The following ZNF469 variants were observed in gnomAD, a reference collection of about 807,000 sequenced individuals.
ZNF469 encodes the protein zinc finger protein 469.
Under a neutral mutation model 1.0 loss-of-function variants are expected in ZNF469, and 1 was observed. The ratio of observed to expected loss-of-function variants is 1.00; its 90% CI spans 0.35 to 4.73. The LOEUF is 4.73. ZNF469 is among the 30% of genes most tolerant of loss of function. The pLI is 0.16. For synonymous variants in ZNF469, 2,703 were observed against 2,363.4 expected, an observed-to-expected ratio of 1.14 and a Z score of -4.17; for missense variants, 6,100 against 5,356.3, an observed-to-expected ratio of 1.14 and a Z score of -4.33.
At chr16:88,336,875 C>T in the ZNF469 span, among the ~76,000 whole-genome samples, 1 of 152,198 alleles carries the variant, frequency 6.6e-6, no homozygotes, top group Non-Finnish European at 1.5e-5. Context: ...TGCCGTTCCC[C>T]CAGCCCCTGG....
At chr16:88,403,425 G>C (rs1226353781) in intron 1 of ZNF469, among the ~76,000 whole-genome samples, 1 of 152,226 alleles carries the variant, frequency 6.6e-6, no homozygotes, top group Admixed American at 6.5e-5. Context: ...TGGTGGGATT[G>C]GGCAGGTCAC....
chr16:88,260,743 C>G, the ZNF469 span, among the ~76,000 whole-genome samples: 1 of 152,170 alleles, frequency 6.6e-6, no homozygotes, highest in East Asian at 1.9e-4. This position sits in a 1 kb window ranked among gnomAD's most constrained non-coding sequence, Gnocchi z 4.1. Flanking sequence ...ATCCCTGGGA[C>G]CTGTGAATGC....
At chr16:88,276,832 G>T in the ZNF469 span, among the ~76,000 whole-genome samples, 1 of 152,160 alleles carries the variant, frequency 6.6e-6, no homozygotes, top group Non-Finnish European at 1.5e-5. Flanking sequence ...CCGACACTTG[G>T]TCAGTACTGT....
At chr16:88,127,347 C>T in the ZNF469 span, among the ~76,000 whole-genome samples, 80 of 152,300 alleles carry the variant, frequency 5.3e-4, no homozygotes, top group African/African-American at 1.2e-3. Flanking sequence ...AATTCAGCAA[C>T]GAATCCCTGG....
Position 88,431,432 on chromosome 16 carries a change from C to T in ZNF469, c.3962C>T (p.Ala1321Val), listed in dbSNP as rs1906176229. Residue 1321 changes from alanine (A) to valine (V), a missense_variant, in exon 3 of 3, where the codon GCC becomes GTC. Transcript: ENST00000565624. ...TCCCACAACAGCAAGGACCCCCCTG[C>T]CCGCCAGCCTGGAGAATTTCTGGCA... is the stretch of plus-strand genomic sequence containing the variant. Reference protein sequence around the residue: ...PVSHNSKDPPARQPGEFLAPV... With the variant: ...PVSHNSKDPPVRQPGEFLAPV... 2 of 1,550,368 alleles carry T rather than the reference C, an allele frequency of 1.3e-6. No homozygotes were observed. Among genetic ancestry groups the T allele is most frequent in the Admixed American group, 3.9e-5 (2 of 51,016 alleles).
the ZNF469 span, among the ~76,000 whole-genome samples, chr16:88,233,092 G>A: frequency 1.1e-4 from 16 of 152,186 alleles, no homozygotes; most frequent in Non-Finnish European, 1.8e-4. Context: ...AGCCGTTCAA[G>A]GACGAGGCTT....
At chr16:88,173,242 A>G in the ZNF469 span, among the ~76,000 whole-genome samples, 2 of 152,204 alleles carry the variant, frequency 1.3e-5, no homozygotes, top group Admixed American at 6.5e-5. Context: ...CATATTATGT[A>G]TAGAGGAAGA....
At chr16:88,230,595 A>T in the ZNF469 span, among the ~76,000 whole-genome samples, 313 of 86,654 alleles carry the variant, frequency 3.6e-3, 6 homozygotes, top group African/African-American at 9.5e-3. Context: ...CTGGGCTCTG[A>T]GCCTCCGGGG....
At chr16:88,368,997 C>T in the ZNF469 span, among the ~76,000 whole-genome samples, 4 of 151,918 alleles carry the variant, frequency 2.6e-5, no homozygotes, top group South Asian at 2.1e-4. Flanking sequence ...GAAAATTGCT[C>T]GAACCCAGGA....
chr16:88,380,223 T>TCACA (rs1244074207), upstream of ZNF469, among the ~76,000 whole-genome samples: 3 of 64,880 alleles, frequency 4.6e-5, no homozygotes, highest in South Asian at 5.1e-4. Context: ...ACAAATGCAC[T>TCACA]CACAGACATG....
chr16:88,274,849 A>G, the ZNF469 span, among the ~76,000 whole-genome samples: 9 of 152,358 alleles, frequency 5.9e-5, no homozygotes, highest in South Asian at 1.9e-3. Flanking sequence ...TGGACCTGAC[A>G]TGGTTCGCAG....
rs770376107 is a variant in ZNF469, at chr16:88,431,426, C to G, written c.3956C>G (p.Pro1319Arg). The G allele has an allele frequency of 6.5e-7, 1 of 1,550,230 alleles. No individual in the cohort carries two copies. The highest frequency in any genetic ancestry group is 2.4e-5 in the East Asian group (1 of 40,928). The change falls in exon 3 of 3, where the codon CCC (proline) becomes CGC (arginine). Residue 1319 changes from proline to arginine, a missense_variant. By Grantham distance (103) the Pro-to-Arg change is moderately radical. Transcript: ENST00000565624. Reference protein sequence around the residue: ...QAPVSHNSKDPPARQPGEFLA... With the variant: ...QAPVSHNSKDRPARQPGEFLA... ...CCAGTCTCCCACAACAGCAAGGACC[C>G]CCCTGCCCGCCAGCCTGGAGAATTT... is the stretch of plus-strand genomic sequence containing the variant.
chr16:88,434,770 C>G lies in ZNF469; in HGVS notation c.7300C>G (p.Pro2434Ala), dbSNP rs1326987889. The change falls in exon 3 of 3, where the codon CCC (proline) becomes GCC (alanine). Residue 2434 changes from proline to alanine, a missense_variant. Pro to Ala is a conservative substitution (Grantham distance 27). Transcript: ENST00000565624. ...CCACAGAAATGCCTCCCACCAGACT[C>G]CCCAGGGGGACCCCCTCGGCCCCCA... ...QSHRNASHQTPQGDPLGPQDL... is the reference protein window; with the variant it reads ...QSHRNASHQTAQGDPLGPQDL... The G allele has an allele frequency of 3.9e-6, 6 of 1,550,372 alleles. No homozygotes were observed. The Admixed American group carries it at 1.2e-4, about 30-fold the overall frequency.
upstream of ZNF469, among the ~76,000 whole-genome samples, chr16:88,381,700 C>G (rs1400984769): frequency 1.3e-5 from 2 of 152,276 alleles, no homozygotes; most frequent in East Asian, 3.8e-4. Context: ...CCTCTGGGGC[C>G]TTTCAGCCCC....
chr16:88,155,490 GGC>G, the ZNF469 span, among the ~76,000 whole-genome samples: 1 of 152,188 alleles, frequency 6.6e-6, no homozygotes, highest in African/African-American at 2.4e-5. Context: ...CCCAGCCTCT[GGC>G]AACCAGTCCT....
chr16:88,176,566 C>G, the ZNF469 span, among the ~76,000 whole-genome samples: 2 of 152,250 alleles, frequency 1.3e-5, no homozygotes, highest in African/African-American at 4.8e-5. Flanking sequence ...ACACACCACC[C>G]TCTCTCCCAT....
the ZNF469 span, among the ~76,000 whole-genome samples, chr16:88,269,582 T>A: frequency 6.6e-6 from 1 of 152,176 alleles, no homozygotes; most frequent in Non-Finnish European, 1.5e-5. Context: ...GGGCCCCGCC[T>A]CCACCTGGGC....
rs545662898 is a variant in ZNF469, at chr16:88,432,044, G to A, written c.4574G>A (p.Ser1525Asn). The A allele has an allele frequency of 1.5e-5, 23 of 1,550,420 alleles. No individual in the cohort carries two copies. Among genetic ancestry groups the A allele is most frequent in the African/African-American group, 6.8e-5 (5 of 73,038 alleles). The change falls in exon 3 of 3, where the codon AGT (serine) becomes AAT (asparagine). Residue 1525 changes from serine to asparagine, a missense_variant. Coordinates refer to ENST00000565624, the MANE Select transcript of ZNF469 (RefSeq NM_001367624.2). ...GATCTCTCGGGGGGAAAGGTGCTCA[G>A]TAAGACGTGTCCCCCTGAACGGACA... The part of the protein sequence containing the change: ...FPDLSGGKVL[S>N]KTCPPERTVV...
At chr16:88,348,778 G>T in the ZNF469 span, among the ~76,000 whole-genome samples, 1 of 152,178 alleles carries the variant, frequency 6.6e-6, no homozygotes, top group Non-Finnish European at 1.5e-5. Context: ...AACTCTCCAG[G>T]TGAAGAGTTG....
Sources: allele counts gnomAD v4.1 joint callset (sites outside exome capture counted in the v4.1 genomes callset), GRCh38; gene constraint gnomAD v4.1.1; non-coding constraint Gnocchi (gnomAD v3.1); transcripts MANE v1.5; gene names NCBI Gene and HGNC (gene_info 2026-07-23, HGNC 2026-07-21).